GRAMD4: variants seen among roughly 807,000 people sequenced by gnomAD.
GRAMD4 encodes the protein GRAM domain-containing protein 4.
In GRAMD4, 25 loss-of-function variants were observed where a neutral mutation model predicts 83.9. The ratio of observed to expected loss-of-function variants is 0.30; its 90% CI spans 0.22 to 0.42. The LOEUF (loss-of-function observed/expected upper bound fraction) is 0.42, where lower values mean the gene tolerates loss of function less well. Ranked by LOEUF, GRAMD4 falls within the 10% of genes least tolerant of loss-of-function variation. The pLI is 1.00. For missense variants in GRAMD4, 593 were observed against 788.7 expected (o/e 0.75, Z 2.97); for synonymous variants, 336 against 320.9 (o/e 1.05, Z -0.50).
At chr22:46,631,964 C>G (rs944226582) in intron 2 of GRAMD4, among the ~76,000 whole-genome samples, 8 of 150,668 alleles carry the variant, frequency 5.3e-5, no homozygotes, top group African/African-American at 9.8e-5. Context: ...ACCTCACGGC[C>G]TGTGTCCTTT....
chr22:46,601,526 G>A (rs898736509), intron 1 of GRAMD4, among the ~76,000 whole-genome samples: 1 of 152,062 alleles, frequency 6.6e-6, no homozygotes, highest in African/African-American at 2.4e-5. Context: ...ATCAGGTGCA[G>A]TGGCTCACGC....
At chr22:46,602,178 G>A (rs564611746) in intron 1 of GRAMD4, among the ~76,000 whole-genome samples, 4 of 152,322 alleles carry the variant, frequency 2.6e-5, no homozygotes, top group East Asian at 1.9e-4. Flanking sequence ...CGATGCTGCC[G>A]GGAGACGGCC....
chr22:46,588,040 C>T (rs1210303109), intron 1 of GRAMD4: 18 of 762,226 alleles, frequency 2.4e-5, no homozygotes, highest in South Asian at 5.9e-5. Flanking sequence ...CTCTAGATGT[C>T]GGGTTTAGAG....
chr22:46,613,610 C>T (rs571280284), intron 1 of GRAMD4, among the ~76,000 whole-genome samples: 5 of 150,650 alleles, frequency 3.3e-5, no homozygotes, highest in East Asian at 1.9e-4. Context: ...AAGGCCGTCT[C>T]GGACAGAGGG....
intron 1 of GRAMD4, among the ~76,000 whole-genome samples, chr22:46,599,905 G>A (rs1335551147): frequency 2.0e-5 from 3 of 151,840 alleles, no homozygotes; most frequent in Non-Finnish European, 4.4e-5. Flanking sequence ...GGACTCCTTA[G>A]TCCTGAGTCA....
downstream of GRAMD4, chr22:46,682,350 A>T (rs781176499): frequency 1.3e-6 from 1 of 777,910 alleles, no homozygotes; most frequent in Non-Finnish European, 1.6e-6. Flanking sequence ...GATTGTAAAG[A>T]AGACATTCAG....
intron 2 of GRAMD4, among the ~76,000 whole-genome samples, chr22:46,635,641 G>A (rs1487110256): frequency 1.3e-5 from 1 of 75,990 alleles, no homozygotes; most frequent in Non-Finnish European, 3.0e-5. Context: ...CTGGGGGACC[G>A]TGTCCTCCCT....
intron 8 of GRAMD4, among the ~76,000 whole-genome samples, chr22:46,664,762 T>G (rs2082383118): frequency 6.6e-6 from 1 of 152,180 alleles, no homozygotes; most frequent in African/African-American, 2.4e-5. Context: ...TGCTAGGGCC[T>G]CCAGGCCAGA....
chr22:46,681,374 G>T (rs576522237), downstream of GRAMD4, among the ~76,000 whole-genome samples: 2 of 152,356 alleles, frequency 1.3e-5, no homozygotes, highest in Non-Finnish European at 2.9e-5. Context: ...GTCAATAAAG[G>T]TGCCTACATA....
intron 1 of GRAMD4, among the ~76,000 whole-genome samples, chr22:46,592,849 T>C (rs971203344): frequency 6.6e-6 from 1 of 152,120 alleles, no homozygotes; most frequent in Non-Finnish European, 1.5e-5. Context: ...CTGCACTGAG[T>C]TTCAAGAATT....
chr22:46,601,688 C>G (rs931540946), intron 1 of GRAMD4, among the ~76,000 whole-genome samples: 1 of 151,980 alleles, frequency 6.6e-6, no homozygotes, highest in Non-Finnish European at 1.5e-5. Flanking sequence ...CCCAGCCACT[C>G]GGGAGGCTGA....
intron 3 of GRAMD4, among the ~76,000 whole-genome samples, chr22:46,639,452 G>A (rs374109749): frequency 6.6e-6 from 1 of 151,812 alleles, no homozygotes; most frequent in Non-Finnish European, 1.5e-5. Context: ...GTGTGCAGCA[G>A]TAGTTAACCC....
Position 46,664,731 on chromosome 22 carries a change from G to T in GRAMD4, c.717+614G>T, listed in dbSNP as rs1422359001. On this transcript the variant is annotated intron_variant, in intron 8 of 18. Coordinates refer to ENST00000406902, the MANE Select transcript of GRAMD4 (RefSeq NM_015124.5). ...GAGACTGTGCCTCCAGCACGAGGAA[G>T]ATGCAGGCAGCCCACCTGCTTGCTA... is the stretch of plus-strand genomic sequence containing the variant. Among the ~76,000 whole-genome samples the T allele has an allele frequency of 2.6e-5, 4 of 152,260 alleles. No homozygotes were observed. In the East Asian group the frequency reaches 7.7e-4, roughly 29 times the overall value.
At chr22:46,664,001 C>G in intron 7 of GRAMD4, 25 bp from the exon 8 acceptor site, 1 of 1,583,966 alleles carries the variant, frequency 6.3e-7, no homozygotes, top group Non-Finnish European at 8.7e-7. Context: ...ACAGTGCTGA[C>G]CACTGTGGTC....
At chr22:46,617,613 A>G (rs138495), upstream of GRAMD4, among the ~76,000 whole-genome samples, 132,876 of 151,882 alleles carry the variant, frequency 0.87, 58,239 homozygotes, top group East Asian at 1. Flanking sequence ...GGATCCCAGC[A>G]CACAGAGGAA....
intron 15 of GRAMD4, 61 bp from the exon 16 acceptor site, chr22:46,674,596 G>A (rs540375577): frequency 1.8e-4 from 202 of 1,127,680 alleles, no homozygotes; most frequent in Non-Finnish European, 2.6e-4. Flanking sequence ...GGGTCCCAGC[G>A]TCAGGTCAGA....
intron 4 of GRAMD4, among the ~76,000 whole-genome samples, chr22:46,660,762 C>G (rs937291645): frequency 1.3e-5 from 2 of 152,164 alleles, no homozygotes; most frequent in African/African-American, 2.4e-5. Context: ...AGGGTTTACT[C>G]CTCCCCCAGC....
chr22:46,658,610 C>T (rs2082280645), intron 4 of GRAMD4, among the ~76,000 whole-genome samples: 1 of 152,090 alleles, frequency 6.6e-6, no homozygotes, highest in South Asian at 2.1e-4. Context: ...AGAGGCTTGG[C>T]ATGGGGCCTG....
chr22:46,618,926 G>A (rs931928533), upstream of GRAMD4, among the ~76,000 whole-genome samples: 4 of 152,346 alleles, frequency 2.6e-5, no homozygotes, highest in East Asian at 3.9e-4. This position sits in a 1 kb window ranked among gnomAD's most constrained non-coding sequence, Gnocchi z 5.8. Flanking sequence ...TGTGCCAGGC[G>A]TGGCATAGTT....
Sources: gnomAD v4.1 joint callset for allele counts (sites outside exome capture counted in the v4.1 genomes callset) on GRCh38, gnomAD v4.1.1 for gene constraint, Gnocchi (gnomAD v3.1) non-coding constraint, MANE v1.5 for transcripts, NCBI Gene and HGNC (gene_info 2026-07-23, HGNC 2026-07-21) for gene names.